GALNT18: variants seen among roughly 807,000 people sequenced by gnomAD.
GALNT18 encodes polypeptide N-acetylgalactosaminyltransferase 18, also known as GalNAc-transferase 18.
GALNT18 carries 44 observed loss-of-function variants against 69.5 expected under a neutral mutation model. The observed-to-expected ratio is 0.63, with a 90% CI of 0.50 to 0.81. The LOEUF (loss-of-function observed/expected upper bound fraction) is 0.81, where lower values mean the gene tolerates loss of function less well. Ranked by LOEUF, GALNT18 falls within the 40% of genes least tolerant of loss-of-function variation. The pLI, the probability that GALNT18 is intolerant of heterozygous loss-of-function variation, is 0.00. For missense variants in GALNT18, 715 were observed against 810.0 expected (o/e 0.88, Z 1.42); for synonymous variants, 364 against 318.2 (o/e 1.14, Z -1.53).
In GALNT18 at chr11:11,511,622, T is replaced by C. The variant is rs922185125; in HGVS notation, c.236-62686A>G. On this transcript the variant is annotated intron_variant, in intron 1 of 10. Coordinates refer to ENST00000227756, the MANE Select transcript of GALNT18 (RefSeq NM_198516.3). The surrounding 1 kb of genome is among the most constrained non-coding windows in gnomAD (Gnocchi z 4.9). ...ATGAAAGCTTCTGTTTCCACTAAAA[T>C]TGATAGGTTGGAACCTAATCCCCAG... Among the ~76,000 whole-genome samples, 2 of 152,212 alleles carry C rather than the reference T, an allele frequency of 1.3e-5. No individual in the cohort carries two copies. The highest frequency in any genetic ancestry group is 2.4e-5 in the African/African-American group (1 of 41,462).
chr11:11,380,933 C>T (rs1035758926), intron 3 of GALNT18, among the ~76,000 whole-genome samples: 1 of 152,130 alleles, frequency 6.6e-6, no homozygotes, highest in African/African-American at 2.4e-5. Context: ...ACAGTGTGAC[C>T]CCTGTCCTAA....
At chr11:11,522,970 A>G (rs1857432888) in intron 1 of GALNT18, among the ~76,000 whole-genome samples, 1 of 152,194 alleles carries the variant, frequency 6.6e-6, no homozygotes. Flanking sequence ...GATTAGGCAG[A>G]TGAGAGTAAA....
At chr11:11,349,581 A>C (rs1346136823) in intron 6 of GALNT18, among the ~76,000 whole-genome samples, 1 of 152,206 alleles carries the variant, frequency 6.6e-6, no homozygotes, top group African/African-American at 2.4e-5. Flanking sequence ...TGTGCCCACA[A>C]TACCGAACTC....
intron 1 of GALNT18, among the ~76,000 whole-genome samples, chr11:11,495,209 C>T (rs1856845875): frequency 6.6e-6 from 1 of 152,200 alleles, no homozygotes; most frequent in Non-Finnish European, 1.5e-5. Flanking sequence ...TTGTTTCCTA[C>T]AGTCCACTCA....
chr11:11,278,488 A>G (rs1420627090), intron 10 of GALNT18, among the ~76,000 whole-genome samples: 1 of 152,040 alleles, frequency 6.6e-6, no homozygotes, highest in African/African-American at 2.4e-5. Flanking sequence ...CATTCTGCAC[A>G]TGTACCCCAG....
chr11:11,396,366 T>A lies in GALNT18; in HGVS notation c.596-17102A>T, dbSNP rs1854327955. ...GAGAGTTTGCTTAGAGATTAAATGA[T>A]GTCATCAGCAGTGGGGGGAGGAGAA... On this transcript the variant is annotated intron_variant, in intron 3 of 10. Transcript: ENST00000227756. This position sits in a 1 kb window ranked among gnomAD's most constrained non-coding sequence, Gnocchi z 5.2. Among the ~76,000 whole-genome samples, 3 of 152,052 alleles carry A rather than the reference T, an allele frequency of 2.0e-5. No homozygotes were observed. Among genetic ancestry groups the A allele is most frequent in the Admixed American group, 2.0e-4 (3 of 15,262 alleles).
Position 11,575,937 on chromosome 11 carries a change from C to T in GALNT18, c.235+45422G>A, listed in dbSNP as rs565461060. Among the ~76,000 whole-genome samples the T allele has an allele frequency of 5.9e-5, 9 of 152,272 alleles. No individual in the cohort carries two copies. The South Asian group carries it at 1.7e-3, about 28-fold the overall frequency. ...AATAACCATATATATGGAAGACTTA[C>T]AATAGTCACAATCTCACTGCTGGGG... is the stretch of plus-strand genomic sequence containing the variant. On this transcript the variant is annotated intron_variant, in intron 1 of 10. Transcript: ENST00000227756.
At position 11,511,672 on chromosome 11, in the gene GALNT18, C is replaced by G. The variant is rs1167903694; in HGVS notation, c.236-62736G>C. 6.6e-6 allele frequency among the ~76,000 whole-genome samples: 1 copy of G among 152,098 alleles called. No homozygotes were observed. Among genetic ancestry groups the G allele is most frequent in the Non-Finnish European group, 1.5e-5 (1 of 68,036 alleles). The stretch of plus-strand genomic sequence containing the variant: ...GTGTGATGATGTTTGAAGGTAGGGC[C>G]TTTGGGAGGTGATTGGATCATAAGG... On this transcript the variant is annotated intron_variant, in intron 1 of 10. Transcript: ENST00000227756. This position sits in a 1 kb window ranked among gnomAD's most constrained non-coding sequence, Gnocchi z 4.9.
rs980726422 is a variant in GALNT18 at position 11,617,475 on chromosome 11, G to GA, written c.235+3883dup. On this transcript the variant is annotated intron_variant, in intron 1 of 10. Coordinates refer to ENST00000227756, the MANE Select transcript of GALNT18 (RefSeq NM_198516.3). This position sits in a 1 kb window ranked among gnomAD's most constrained non-coding sequence, Gnocchi z 4.7. Reference sequence around the variant, plus strand: ...ACCAATAAACTATGTAGCAAATATGGAAAAAATAGTGCTTCGTTAACAAAA... The same window carrying GA: ...ACCAATAAACTATGTAGCAAATATGGAAAAAAATAGTGCTTCGTTAACAAAA... 2.5e-4 allele frequency among the ~76,000 whole-genome samples: 38 copies of GA among 151,650 alleles called. No individual in the cohort carries two copies. The highest frequency in any genetic ancestry group is 8.8e-4 in the African/African-American group (36 of 41,014).
chr11:11,460,748 G>A (rs780554818), intron 1 of GALNT18, among the ~76,000 whole-genome samples: 10 of 150,122 alleles, frequency 6.7e-5, no homozygotes, highest in Non-Finnish European at 1.2e-4. Flanking sequence ...TTTGGACTTC[G>A]GTGTTGGTAT....
chr11:11,438,417 T>TA (rs1487633553), intron 2 of GALNT18, among the ~76,000 whole-genome samples: 1 of 152,232 alleles, frequency 6.6e-6, no homozygotes, highest in Non-Finnish European at 1.5e-5. Context: ...GAAATAATAC[T>TA]AAAAACTTCC....
Position 11,432,601 on chromosome 11 carries a change from T to G in GALNT18, c.595+20A>C, listed in dbSNP as rs920356981. 6.3e-7 allele frequency: 1 copy of G among 1,592,218 alleles called. No individual in the cohort carries two copies. The highest frequency in any genetic ancestry group is 8.6e-7 in the Non-Finnish European group (1 of 1,167,810). On this transcript the variant is annotated intron_variant, in intron 3 of 10. Transcript: ENST00000227756. The surrounding 1 kb of genome is among the most constrained non-coding windows in gnomAD (Gnocchi z 5.8). Reference sequence around the variant, plus strand: ...CAGCCAGGAAGTAGGGCCTGGGCCCTGGGAAGCTCCGACACTCACCGTTAC... The same window carrying G: ...CAGCCAGGAAGTAGGGCCTGGGCCCGGGGAAGCTCCGACACTCACCGTTAC...
rs1214658297 is a variant in GALNT18, at chr11:11,497,657, A to G, written c.236-48721T>C. On this transcript the variant is annotated intron_variant, in intron 1 of 10. Transcript: ENST00000227756. This position sits in a 1 kb window ranked among gnomAD's most constrained non-coding sequence, Gnocchi z 4.2. ...TCCAGTAACAACTCTCTTATCTAAC[A>G]TGGTCAGGAGCAGCTAATAGGGTAA... Among the ~76,000 whole-genome samples, 1 of 152,070 alleles carries G rather than the reference A, an allele frequency of 6.6e-6. No individual in the cohort carries two copies. The highest frequency in any genetic ancestry group is 1.5e-5 in the Non-Finnish European group (1 of 68,016).
chr11:11,292,018 G>A (rs993403808), intron 10 of GALNT18, among the ~76,000 whole-genome samples: 1 of 152,048 alleles, frequency 6.6e-6, no homozygotes, highest in Non-Finnish European at 1.5e-5. Flanking sequence ...TCCTTGCAGT[G>A]CCCCCAGCAG....
chr11:11,287,732 T>G (rs1849219518), intron 10 of GALNT18, among the ~76,000 whole-genome samples: 1 of 152,172 alleles, frequency 6.6e-6, no homozygotes, highest in Non-Finnish European at 1.5e-5. Context: ...AGGCAACAAC[T>G]GCCACTTCTA....
chr11:11,512,665 C>T (rs1036220763), intron 1 of GALNT18, among the ~76,000 whole-genome samples: 1 of 152,188 alleles, frequency 6.6e-6, no homozygotes, highest in Non-Finnish European at 1.5e-5. Context: ...ACAGGTTCTT[C>T]ATCCAAATTG....
rs1860200545 is a variant in GALNT18, at chr11:11,621,781, C to A, written c.-188G>T. 6.7e-6 allele frequency: 4 copies of A among 597,938 alleles called. No homozygotes were observed. Among genetic ancestry groups the A allele is most frequent in the African/African-American group, 1.9e-5 (1 of 53,740 alleles). 37.0% of individuals were successfully genotyped at this position (597,938 alleles called of 1,614,324 possible). On this transcript the variant is annotated 5_prime_UTR_variant, in exon 1 of 11. Coordinates refer to ENST00000227756, the MANE Select transcript of GALNT18 (RefSeq NM_198516.3). This position sits in a 1 kb window ranked among gnomAD's most constrained non-coding sequence, Gnocchi z 9.3. ...GTGCCCAAGTTTGCAGCTCCTGCCG[C>A]TGGCCACCCGGAGAGACCTTGACAA...
At chr11:11,400,481 A>T (rs1427339940) in intron 3 of GALNT18, among the ~76,000 whole-genome samples, 3 of 152,200 alleles carry the variant, frequency 2.0e-5, no homozygotes, top group African/African-American at 7.2e-5. Context: ...CTGTCTAACG[A>T]AGGTGTCTTT....
At chr11:11,493,308 C>T (rs953964526) in intron 1 of GALNT18, among the ~76,000 whole-genome samples, 13 of 148,304 alleles carry the variant, frequency 8.8e-5, no homozygotes, top group Non-Finnish European at 1.6e-4. Context: ...TCTTGGACCT[C>T]AGTAGGGCAG....
Sources: gnomAD v4.1 joint callset for allele counts (sites outside exome capture counted in the v4.1 genomes callset) on GRCh38, gnomAD v4.1.1 for gene constraint, Gnocchi (gnomAD v3.1) non-coding constraint, MANE v1.5 for transcripts, NCBI Gene and HGNC (gene_info 2026-07-23, HGNC 2026-07-21) for gene names.